Variants in CSMD3 observed in about 807,000 individuals in gnomAD.
CSMD3 encodes CUB and sushi domain-containing protein 3.
In CSMD3, 177 loss-of-function variants were observed where a neutral mutation model predicts 435.2. That is an observed-to-expected ratio of 0.41 (90% CI 0.36 to 0.46). CSMD3 has a LOEUF of 0.46. CSMD3 is among the 20% of genes least tolerant of loss of function. The pLI, the probability that CSMD3 is intolerant of heterozygous loss-of-function variation, is 0.34. For synonymous variants in CSMD3, 1,656 were observed against 1,520.5 expected (o/e 1.09, Z -2.07); for missense variants, 4,265 against 4,504.6 (o/e 0.95, Z 1.52).
At chr8:113,043,250 C>A (rs2087699287) in intron 5 of CSMD3, among the ~76,000 whole-genome samples, 1 of 152,288 alleles carries the variant, frequency 6.6e-6, no homozygotes, top group Non-Finnish European at 1.5e-5. Flanking sequence ...ATTCTTCTCC[C>A]TCCTTGCCTT....
rs148135926 is a variant in CSMD3, at chr8:113,260,759, T to C, written c.514+17833A>G. Among the ~76,000 whole-genome samples, 35 of 152,258 alleles carry C rather than the reference T, an allele frequency of 2.3e-4. No individual in the cohort carries two copies. In the East Asian group the frequency reaches 6.8e-3, roughly 29 times the overall value. On this transcript the variant is annotated intron_variant, in intron 3 of 70. Transcript: ENST00000297405. ...CCACTCCATAGGCCCCAGTGTGTGA[T>C]GTTCCCTTCCCTGTGTCCATGTGTT...
At chr8:113,333,272 T>C (rs1400747634) in intron 1 of CSMD3, among the ~76,000 whole-genome samples, 7 of 151,704 alleles carry the variant, frequency 4.6e-5, no homozygotes, top group Non-Finnish European at 8.9e-5. Flanking sequence ...ATAGCAAAAG[T>C]TTTTAATATT....
At position 112,954,747 on chromosome 8, in the gene CSMD3, C is replaced by G; in HGVS notation, c.1357G>C (p.Asp453His). 6.3e-7 allele frequency: 1 copy of G among 1,579,398 alleles called. No homozygotes were observed. The part of the protein sequence containing the change: ...VVTHRVKKAI[D>H]FKSRGFKLFP... ...AATTTAAATCCTCTAGATTTAAAAT[C>G]TATGGCCTTTTTCACTAGTTAAGAA... The change falls in exon 8 of 71, where the codon GAT becomes CAT. Residue 453 changes from aspartate to histidine, a missense_variant. Asp to His is a moderately conservative substitution (Grantham distance 81, BLOSUM62 -1). Around this residue, in one of 3 missense-constraint regions of CSMD3, gnomAD observed 731 missense variants for 755.4 expected, o/e 0.97. Coordinates refer to ENST00000297405, the MANE Select transcript of CSMD3 (RefSeq NM_198123.2).
intron 32 of CSMD3, among the ~76,000 whole-genome samples, chr8:112,437,740 T>C (rs1005449285): frequency 6.6e-6 from 1 of 152,144 alleles, no homozygotes; most frequent in South Asian, 2.1e-4. Context: ...CAGTAATTTT[T>C]AATGTTAATT....
At chr8:112,806,827 G>T (rs1323539650) in intron 12 of CSMD3, among the ~76,000 whole-genome samples, 1 of 152,030 alleles carries the variant, frequency 6.6e-6, no homozygotes, top group African/African-American at 2.4e-5. Context: ...AGTCATACAA[G>T]GAAAAAAGCC....
chr8:112,522,776 C>T (rs1328786585), intron 27 of CSMD3, among the ~76,000 whole-genome samples: 1 of 151,856 alleles, frequency 6.6e-6, no homozygotes, highest in Non-Finnish European at 1.5e-5. Flanking sequence ...CTAACTACTG[C>T]AAAATATAAC....
chr8:113,392,451 A>G (rs2094465007), intron 1 of CSMD3, among the ~76,000 whole-genome samples: 1 of 152,132 alleles, frequency 6.6e-6, no homozygotes, highest in Non-Finnish European at 1.5e-5. Flanking sequence ...CTGATACCAC[A>G]TATATTAATT....
At chr8:112,572,044 A>T (rs1226269122) in intron 24 of CSMD3, among the ~76,000 whole-genome samples, 1 of 152,034 alleles carries the variant, frequency 6.6e-6, no homozygotes, top group African/African-American at 2.4e-5. Flanking sequence ...ATTTAAAAAA[A>T]AAAAAGTTTG....
intron 59 of CSMD3, among the ~76,000 whole-genome samples, chr8:112,278,322 C>A (rs1818286874): frequency 6.6e-6 from 1 of 152,176 alleles, no homozygotes; most frequent in Admixed American, 6.5e-5. Flanking sequence ...GATTTTGATG[C>A]ATTTTCTGAG....
intron 32 of CSMD3, among the ~76,000 whole-genome samples, chr8:112,462,873 C>T (rs1197158319): frequency 6.6e-6 from 1 of 152,164 alleles, no homozygotes; most frequent in Non-Finnish European, 1.5e-5. Context: ...CAAGCACTCA[C>T]CTGTACACAG....
chr8:112,352,623 G>A (rs994367901), intron 38 of CSMD3, 89 bp from the exon 39 acceptor site: 10 of 1,142,376 alleles, frequency 8.8e-6, no homozygotes, highest in South Asian at 1.2e-5. Context: ...TTGAATATCA[G>A]TGTCTCATCA....
chr8:113,171,292 T>C (rs2092263656), intron 4 of CSMD3, among the ~76,000 whole-genome samples: 1 of 152,012 alleles, frequency 6.6e-6, no homozygotes, highest in Non-Finnish European at 1.5e-5. Flanking sequence ...AAAAATAGCT[T>C]CCAAAATAAT....
intron 40 of CSMD3, among the ~76,000 whole-genome samples, chr8:112,347,261 C>T (rs1432805483): frequency 2.0e-5 from 3 of 152,078 alleles, no homozygotes; most frequent in Non-Finnish European, 4.4e-5. Flanking sequence ...ATATGAAAGG[C>T]AATTGCATTT....
chr8:112,339,486 AC>A (rs1239589514), intron 42 of CSMD3, among the ~76,000 whole-genome samples: 2 of 151,984 alleles, frequency 1.3e-5, no homozygotes, highest in African/African-American at 4.8e-5. Context: ...CTGGGAGTGT[AC>A]TTTTGTTTTC....
rs138452944 is a variant in CSMD3 at position 112,716,355 on chromosome 8, T to A, written c.1973-26305A>T. ...ACGAAGAGAATAAAATACCTAGGAA[T>A]ACAGCTAACAGAAACGTGAAGGACT... On this transcript the variant is annotated intron_variant, in intron 13 of 70. Transcript: ENST00000297405. 2.6e-3 allele frequency among the ~76,000 whole-genome samples: 390 copies of A among 152,194 alleles called. 9 individuals are homozygous for A. The highest frequency in any genetic ancestry group is 0.021 in the Admixed American group (327 of 15,278).
At chr8:112,325,661 T>G (rs570630803) in intron 45 of CSMD3, among the ~76,000 whole-genome samples, 1 of 152,044 alleles carries the variant, frequency 6.6e-6, no homozygotes, top group East Asian at 1.9e-4. Flanking sequence ...TATATACATA[T>G]ATATTACATA....
At chr8:113,059,114 T>C (rs2088485142) in intron 5 of CSMD3, among the ~76,000 whole-genome samples, 1 of 152,120 alleles carries the variant, frequency 6.6e-6, no homozygotes, top group African/African-American at 2.4e-5. Context: ...TTTGTGATGG[T>C]TAAAAATCTA....
chr8:112,879,968 T>C (rs1266639181), intron 10 of CSMD3, among the ~76,000 whole-genome samples: 1 of 152,036 alleles, frequency 6.6e-6, no homozygotes, highest in African/African-American at 2.4e-5. Context: ...ATATCTAATG[T>C]TGATGGCAGT....
intron 7 of CSMD3, among the ~76,000 whole-genome samples, chr8:112,971,820 T>C (rs1447063125): frequency 1.3e-5 from 2 of 152,072 alleles, no homozygotes; most frequent in South Asian, 2.1e-4. Flanking sequence ...TGGAGGAGAC[T>C]GCAAATAATT....
Sources: gnomAD v4.1 joint callset for allele counts (sites outside exome capture counted in the v4.1 genomes callset) on GRCh38, gnomAD v4.1.1 for gene constraint, gnomAD v4.1.1 regional missense constraint, MANE v1.5 for transcripts, NCBI Gene and HGNC (gene_info 2026-07-23, HGNC 2026-07-21) for gene names.